The following CNTN1 variants were observed in gnomAD, a reference collection of about 807,000 sequenced individuals.
The protein encoded by CNTN1 is contactin 1, also known as contactin-1.
In CNTN1, 38 loss-of-function variants were observed where a neutral mutation model predicts 126.4. That is an observed-to-expected ratio of 0.30 (90% CI 0.23 to 0.39). The LOEUF is 0.39. Ranked by LOEUF, CNTN1 falls within the 10% of genes least tolerant of loss-of-function variation. The pLI is 1.00. For synonymous variants in CNTN1, 413 were observed against 422.6 expected, an observed-to-expected ratio of 0.98 and a Z score of 0.28; for missense variants, 1,009 against 1,248.4, an observed-to-expected ratio of 0.81 and a Z score of 2.89.
chr12:40,973,969 G>A (rs1947601291), intron 15 of CNTN1, among the ~76,000 whole-genome samples: 1 of 152,094 alleles, frequency 6.6e-6, no homozygotes, highest in Admixed American at 6.6e-5. Flanking sequence ...TGTGTGAATG[G>A]TCATTTGGAA....
chr12:40,931,841 A>C (rs934617679), intron 7 of CNTN1, among the ~76,000 whole-genome samples: 1 of 151,986 alleles, frequency 6.6e-6, no homozygotes, highest in East Asian at 1.9e-4. Context: ...GGTGATTCTG[A>C]TGATTGAGCC....
intron 9 of CNTN1, among the ~76,000 whole-genome samples, chr12:40,934,745 T>C (rs529250502): frequency 6.6e-6 from 1 of 152,138 alleles, no homozygotes; most frequent in Non-Finnish European, 1.5e-5. Context: ...ATCTCCAGTT[T>C]TTCTTCTCTC....
chr12:40,894,607 T>G (rs1374710495), intron 1 of CNTN1, among the ~76,000 whole-genome samples: 1 of 152,174 alleles, frequency 6.6e-6, no homozygotes, highest in Non-Finnish European at 1.5e-5. Context: ...CATTGTATTC[T>G]CAAGACATCT....
intron 1 of CNTN1, among the ~76,000 whole-genome samples, chr12:40,808,838 A>G (rs1270250527): frequency 6.6e-6 from 1 of 152,160 alleles, no homozygotes; most frequent in Non-Finnish European, 1.5e-5. Context: ...TAAACAAACA[A>G]ACAAAAACCT....
intron 1 of CNTN1, among the ~76,000 whole-genome samples, chr12:40,722,603 T>C (rs1026276854): frequency 4.6e-5 from 7 of 152,116 alleles, no homozygotes; most frequent in South Asian, 2.1e-4. Flanking sequence ...TATATACATA[T>C]ACATACATAC....
intron 1 of CNTN1, among the ~76,000 whole-genome samples, chr12:40,830,856 C>A (rs1941799183): frequency 8.3e-6 from 1 of 120,054 alleles, no homozygotes; most frequent in Admixed American, 9.2e-5. Flanking sequence ...GTCTACCTAA[C>A]TATCTAGTTT....
intron 1 of CNTN1, among the ~76,000 whole-genome samples, chr12:40,749,339 T>C (rs551713508): frequency 2.6e-4 from 39 of 152,246 alleles, no homozygotes; most frequent in Middle Eastern, 3.4e-3. Flanking sequence ...CACACCACAA[T>C]TCACTGATTT....
chr12:41,020,020 G>A (rs1948872714), intron 19 of CNTN1, among the ~76,000 whole-genome samples: 1 of 151,966 alleles, frequency 6.6e-6, no homozygotes, highest in Non-Finnish European at 1.5e-5. Context: ...GCTCACAGAT[G>A]TAATAGAAAT....
intron 1 of CNTN1, among the ~76,000 whole-genome samples, chr12:40,698,169 C>T (rs1269938223): frequency 8.7e-5 from 13 of 150,270 alleles, no homozygotes; most frequent in Admixed American, 7.3e-4. Context: ...TTATGCAGAG[C>T]TTTGCATGAA....
intron 1 of CNTN1, among the ~76,000 whole-genome samples, chr12:40,814,755 G>A (rs1358063896): frequency 2.6e-5 from 4 of 152,136 alleles, no homozygotes; most frequent in Non-Finnish European, 5.9e-5. Flanking sequence ...GTAGCTTGAT[G>A]GGGATGGCAT....
chr12:40,824,894 T>G (rs1941559360), intron 1 of CNTN1, among the ~76,000 whole-genome samples: 1 of 152,272 alleles, frequency 6.6e-6, no homozygotes. Context: ...ATAATTAACA[T>G]TTATCTAGCA....
chr12:40,844,711 A>G (rs1268028650), intron 1 of CNTN1, among the ~76,000 whole-genome samples: 1 of 152,122 alleles, frequency 6.6e-6, no homozygotes, highest in African/African-American at 2.4e-5. Flanking sequence ...CTTGCTGTCT[A>G]AGGACCTACT....
intron 1 of CNTN1, among the ~76,000 whole-genome samples, chr12:40,809,535 C>T (rs1940973459): frequency 6.6e-6 from 1 of 151,992 alleles, no homozygotes; most frequent in South Asian, 2.1e-4. Context: ...ATATATAAAA[C>T]ATTTATTGGC....
chr12:41,002,674 C>T (rs945622954), intron 17 of CNTN1, among the ~76,000 whole-genome samples: 4 of 151,440 alleles, frequency 2.6e-5, no homozygotes, highest in African/African-American at 7.3e-5. Flanking sequence ...TCTCCTGCCT[C>T]GGCCTCCTGA....
intron 1 of CNTN1, among the ~76,000 whole-genome samples, chr12:40,706,847 AAGG>A (rs1264078590): frequency 6.6e-6 from 1 of 152,194 alleles, no homozygotes; most frequent in Non-Finnish European, 1.5e-5. Flanking sequence ...GATTGTTAAA[AAGG>A]AGGAATCCTG....
intron 1 of CNTN1, among the ~76,000 whole-genome samples, chr12:40,846,436 C>G (rs1407639608): frequency 6.6e-6 from 1 of 152,204 alleles, no homozygotes; most frequent in Admixed American, 6.5e-5. Flanking sequence ...CCACTGCACT[C>G]CAGCCTGGAC....
intron 1 of CNTN1, among the ~76,000 whole-genome samples, chr12:40,842,016 TAA>T (rs1035166723): frequency 6.6e-6 from 1 of 151,788 alleles, no homozygotes; most frequent in East Asian, 1.9e-4. Context: ...AAGAAATAAA[TAA>T]AAAGATATTT....
chr12:41,025,354 T>C lies in CNTN1; in HGVS notation c.2710+18T>C, dbSNP rs1371335627. 3 of 1,611,196 alleles carry C rather than the reference T, an allele frequency of 1.9e-6. No individual in the cohort carries two copies. The highest frequency in any genetic ancestry group is 2.5e-6 in the Non-Finnish European group (3 of 1,177,548). ...GAAAGCACGTGAGTCTCACGTTTTG[T>C]TTTTAGACTTGTCAAAAACTACCAC... On this transcript the variant is annotated intron_variant, in intron 21 of 23. Transcript: ENST00000551295.
intron 23 of CNTN1, among the ~76,000 whole-genome samples, chr12:41,066,266 C>A (rs775748770): frequency 3.3e-5 from 5 of 152,202 alleles, no homozygotes; most frequent in Admixed American, 2.0e-4. Context: ...GAAGGTATAA[C>A]CCCTTTCTTT....
Sources: allele counts gnomAD v4.1 joint callset (sites outside exome capture counted in the v4.1 genomes callset), GRCh38; gene constraint gnomAD v4.1.1; transcripts MANE v1.5; gene names NCBI Gene and HGNC (gene_info 2026-07-23, HGNC 2026-07-21).